PRR5: variants seen among roughly 807,000 people sequenced by gnomAD.
PRR5 encodes proline rich 5.
In PRR5, 25 loss-of-function variants were observed where a neutral mutation model predicts 30.6. That is an observed-to-expected ratio of 0.82 (90% CI 0.60 to 1.14). The LOEUF (loss-of-function observed/expected upper bound fraction) is 1.14, where lower values mean the gene tolerates loss of function less well. Ranked by LOEUF, PRR5 falls within the 50% of genes most tolerant of loss-of-function variation. The pLI, the probability that PRR5 is intolerant of heterozygous loss-of-function variation, is 0.00. For missense variants in PRR5, 600 were observed against 547.1 expected, an observed-to-expected ratio of 1.10 and a Z score of -0.96; for synonymous variants, 286 against 247.1, an observed-to-expected ratio of 1.16 and a Z score of -1.48.
In PRR5 at chr22:44,736,710, G is replaced by C. The variant is rs556434563; in HGVS notation, c.692-62G>C. 1,694 of 1,509,044 alleles carry C rather than the reference G, an allele frequency of 1.1e-3. 2 individuals are homozygous for C. The highest frequency in any genetic ancestry group is 1.3e-3 in the Non-Finnish European group (1,460 of 1,128,652). The allele number at this position is 1,509,044 out of a possible 1,614,324, so 93.5% of individuals were successfully genotyped here. A position where few individuals can be genotyped will look rare whatever the true frequency, so the allele number is the denominator to read the frequency against. Reference sequence around the variant, plus strand: ...GGACCCAGTGTGCAGTGAGCAGCAGGTGCCAAGGCGGGCGGGGACCCAGGT... The same window carrying C: ...GGACCCAGTGTGCAGTGAGCAGCAGCTGCCAAGGCGGGCGGGGACCCAGGT... On this transcript the variant is annotated intron_variant, in intron 7 of 7. Coordinates refer to ENST00000336985, the MANE Select transcript of PRR5 (RefSeq NM_181333.4).
At chr22:44,731,563 C>A in intron 4 of PRR5, 167 bp from the exon 5 acceptor site, 1 of 660,588 alleles carries the variant, frequency 1.5e-6, no homozygotes, top group Non-Finnish European at 2.7e-6. Flanking sequence ...GGGCCCAGGG[C>A]CATAGAACAG....
At chr22:44,734,677 G>T in intron 6 of PRR5, 1 of 232,028 alleles carries the variant, frequency 4.3e-6, no homozygotes, top group Non-Finnish European at 8.4e-6. Flanking sequence ...GGGTCAGCCA[G>T]TGTCTCTGGA....
chr22:44,670,965 G>C (rs1923393292), intron 1 of PRR5, among the ~76,000 whole-genome samples: 1 of 152,200 alleles, frequency 6.6e-6, no homozygotes, highest in Admixed American at 6.5e-5. Flanking sequence ...GACTCCCATA[G>C]AGGAGGGGAG....
In PRR5 at chr22:44,736,909, A is replaced by T. The variant is rs950956217; in HGVS notation, c.829A>T (p.Ser277Cys). Residue 277 changes from serine to cysteine, a missense_variant, in exon 8 of 8, where the codon AGC becomes TGC. Transcript: ENST00000336985. Reference protein sequence around the residue: ...EAEGAAAGGTSIRRHSVSEMT... With the variant: ...EAEGAAAGGTCIRRHSVSEMT... Reference sequence around the variant, plus strand: ...GGAGGGCGCGGCGGCCGGCGGTACCAGCATCCGCAGGCACTCTGTGTCGGA... The same window carrying T: ...GGAGGGCGCGGCGGCCGGCGGTACCTGCATCCGCAGGCACTCTGTGTCGGA... 2 of 1,608,490 alleles carry T rather than the reference A, an allele frequency of 1.2e-6. No homozygotes were observed. The highest frequency in any genetic ancestry group is 2.7e-5 in the African/African-American group (2 of 75,016).
At position 44,682,907 on chromosome 22, in the gene PRR5, G is replaced by A. The variant is rs141928516; in HGVS notation, c.-11+5667G>A. ...TCCTCTAAACGCAGATGTGTGTGTG[G>A]TGGGGCAGGGCTACAGAGAAGACTT... is the stretch of plus-strand genomic sequence containing the variant. On this transcript the variant is annotated intron_variant, in intron 1 of 8. Coordinates refer to the PRR5 transcript ENST00000006251. 5.9e-3 allele frequency among the ~76,000 whole-genome samples: 905 copies of A among 152,330 alleles called. 12 individuals are homozygous for A. Among genetic ancestry groups the A allele is most frequent in the African/African-American group, 0.021 (855 of 41,570 alleles).
At chr22:44,707,886 G>A (rs1043093748) in intron 1 of PRR5, among the ~76,000 whole-genome samples, 1 of 152,190 alleles carries the variant, frequency 6.6e-6, no homozygotes, top group African/African-American at 2.4e-5. Flanking sequence ...TTAGAGAGCC[G>A]GGCCCACCTT....
chr22:44,736,924 T>A lies in PRR5; in HGVS notation c.844T>A (p.Ser282Thr), dbSNP rs1286647573. Residue 282 changes from serine to threonine, a missense_variant, in exon 8 of 8, where the codon TCT becomes ACT. Transcript: ENST00000336985. The part of the protein sequence containing the change: ...AAGGTSIRRH[S>T]VSEMTSCPEP... ...CGGCGGTACCAGCATCCGCAGGCAC[T>A]CTGTGTCGGAGATGACGTCCTGCCC... The A allele has an allele frequency of 8.1e-6, 13 of 1,607,844 alleles. No homozygotes were observed. The South Asian group carries it at 9.9e-5, about 12-fold the overall frequency.
intron 1 of PRR5, among the ~76,000 whole-genome samples, chr22:44,685,387 CCT>C (rs1924653286): frequency 6.6e-6 from 1 of 152,234 alleles, no homozygotes. Context: ...AACGATTTCT[CCT>C]CTGTCTGGAA....
intron 7 of PRR5, among the ~76,000 whole-genome samples, chr22:44,736,384 G>C (rs1923256737): frequency 2.0e-5 from 3 of 152,348 alleles, no homozygotes; most frequent in Admixed American, 2.0e-4. Flanking sequence ...ACCAGCTCCA[G>C]TGGGGCAGGG....
chr22:44,711,788 G>C (rs906402505), intron 1 of PRR5, among the ~76,000 whole-genome samples: 1 of 152,106 alleles, frequency 6.6e-6, no homozygotes, highest in Non-Finnish European at 1.5e-5. Flanking sequence ...ACCTCCACTC[G>C]CCATATCCCA....
intron 2 of PRR5, among the ~76,000 whole-genome samples, chr22:44,724,721 T>C (rs1008019358): frequency 6.6e-6 from 1 of 152,192 alleles, no homozygotes; most frequent in African/African-American, 2.4e-5. Context: ...TCTTGACCTC[T>C]GCGAGCCTCT....
intron 2 of PRR5, among the ~76,000 whole-genome samples, chr22:44,715,368 T>C (rs1418475019): frequency 6.6e-6 from 1 of 152,318 alleles, no homozygotes; most frequent in East Asian, 1.9e-4. Context: ...AAAAGAATAC[T>C]GGCAAAATAG....
At chr22:44,708,117 T>C (rs1010733035) in intron 1 of PRR5, among the ~76,000 whole-genome samples, 2 of 152,020 alleles carry the variant, frequency 1.3e-5, no homozygotes, top group African/African-American at 4.8e-5. Flanking sequence ...GGAGAATCAC[T>C]TGAATCCGGG....
At chr22:44,701,460 T>C (rs965267038), upstream of PRR5, among the ~76,000 whole-genome samples, 3 of 152,244 alleles carry the variant, frequency 2.0e-5, no homozygotes, top group Non-Finnish European at 4.4e-5. Flanking sequence ...AAGTAGTTCA[T>C]GTTAGTTCAT....
At chr22:44,731,664 C>G (rs1257064679) in intron 4 of PRR5, 66 bp from the exon 5 acceptor site, 1 of 1,516,358 alleles carries the variant, frequency 6.6e-7, no homozygotes, top group Non-Finnish European at 9.2e-7. Flanking sequence ...GATGACCCAT[C>G]CTGGGTGAGT....
chr22:44,699,928 G>T (rs1926103919), upstream of PRR5, among the ~76,000 whole-genome samples: 1 of 21,868 alleles, frequency 4.6e-5, no homozygotes, highest in Admixed American at 7.0e-4. Context: ...TTTTGTTGTT[G>T]TTTTTGTTTT....
intron 1 of PRR5, among the ~76,000 whole-genome samples, chr22:44,688,753 C>T (rs760819931): frequency 7.9e-5 from 12 of 151,820 alleles, no homozygotes; most frequent in South Asian, 2.1e-4. Flanking sequence ...TTTGGGAGGC[C>T]GAGGCAGGCG....
intron 1 of PRR5, among the ~76,000 whole-genome samples, chr22:44,705,931 G>A (rs75325262): frequency 0.096 from 14,637 of 152,006 alleles, 1,173 homozygotes; most frequent in African/African-American, 0.22. Context: ...AGCTGGGATT[G>A]TAGGCGCCCA....
chr22:44,693,233 G>T (rs1171969306), intron 1 of PRR5, among the ~76,000 whole-genome samples: 3 of 152,188 alleles, frequency 2.0e-5, no homozygotes, highest in Non-Finnish European at 2.9e-5. Flanking sequence ...GGAGGCCAAG[G>T]TGGTTGGGTT....
Sources: allele counts gnomAD v4.1 joint callset (sites outside exome capture counted in the v4.1 genomes callset), GRCh38; gene constraint gnomAD v4.1.1; transcripts MANE v1.5; gene names NCBI Gene and HGNC (gene_info 2026-07-23, HGNC 2026-07-21).